The following ADAMTSL1 variants were observed in gnomAD, a reference collection of about 807,000 sequenced individuals.
ADAMTSL1 encodes ADAMTS-like protein 1.
Under a neutral mutation model 201.8 loss-of-function variants are expected in ADAMTSL1, and 126 were observed. That is an observed-to-expected ratio of 0.62 (90% confidence interval 0.54 to 0.72). ADAMTSL1 has a LOEUF of 0.72. ADAMTSL1 is among the 30% of genes least tolerant of loss of function. ADAMTSL1 has a pLI of 0.00. For missense variants in ADAMTSL1, 2,679 were observed against 2,277.8 expected (o/e 1.18, Z -3.59); for synonymous variants, 1,121 against 903.4 (o/e 1.24, Z -4.32).
At chr9:18,904,797 C>T (rs542925397) in intron 26 of ADAMTSL1, among the ~76,000 whole-genome samples, 60 of 127,188 alleles carry the variant, frequency 4.7e-4, no homozygotes, top group Non-Finnish European at 8.5e-4. Context: ...TAGTGTCAAA[C>T]TGGGCCCTTC....
At chr9:18,754,222 C>T (rs924134969) in intron 16 of ADAMTSL1, among the ~76,000 whole-genome samples, 1 of 152,170 alleles carries the variant, frequency 6.6e-6, no homozygotes, top group Non-Finnish European at 1.5e-5. Context: ...ATGTGCTATC[C>T]CTTTACAAAC....
intron 3 of ADAMTSL1, among the ~76,000 whole-genome samples, chr9:18,556,128 A>C (rs144594093): frequency 0.02 from 2,984 of 152,092 alleles, 38 homozygotes; most frequent in Non-Finnish European, 0.03. Context: ...CTTGCACAGA[A>C]TCAGCCTTAA....
chr9:18,042,364 T>C (rs1821462364), intron 1 of ADAMTSL1, among the ~76,000 whole-genome samples: 1 of 152,108 alleles, frequency 6.6e-6, no homozygotes, highest in African/African-American at 2.4e-5. Context: ...AAAAAAGAAA[T>C]TTACTGAGTG....
chr9:18,662,003 C>T lies in ADAMTSL1; in HGVS notation c.1015C>T (p.His339Tyr). 1 of 1,614,108 alleles carries T rather than the reference C, an allele frequency of 6.2e-7. No individual in the cohort carries two copies. Among genetic ancestry groups the T allele is most frequent in the Non-Finnish European group, 8.5e-7 (1 of 1,179,968 alleles). Residue 339 changes from histidine to tyrosine, a missense_variant, in exon 9 of 29, where the codon CAC becomes TAC. Physicochemically the swap from His to Tyr is moderately conservative, Grantham distance 83 (BLOSUM62 2). Coordinates refer to ENST00000380548, the MANE Select transcript of ADAMTSL1 (RefSeq NM_001040272.6). ...CCGTGTGGTTGCTGACCAATACTGT[C>T]ACTATTACCCAGAGAACATCAAACC... ...SNRVVADQYC[H>Y]YYPENIKPKP...
At chr9:18,518,176 G>T (rs1451682241) in intron 2 of ADAMTSL1, among the ~76,000 whole-genome samples, 1 of 152,130 alleles carries the variant, frequency 6.6e-6, no homozygotes, top group Non-Finnish European at 1.5e-5. Flanking sequence ...GATTCAGGGG[G>T]TACATGTGCA....
chr9:18,300,380 ACG>A (rs879918181), intron 2 of ADAMTSL1, among the ~76,000 whole-genome samples: 57 of 149,294 alleles, frequency 3.8e-4, no homozygotes, highest in South Asian at 1.1e-3. Context: ...CAAACACCGC[ACG>A]TCCTCACTCA....
At chr9:18,516,640 A>G (rs1276787572) in intron 2 of ADAMTSL1, among the ~76,000 whole-genome samples, 2 of 152,172 alleles carry the variant, frequency 1.3e-5, no homozygotes, top group Non-Finnish European at 2.9e-5. Flanking sequence ...ACTGTTCTCT[A>G]CTTGTATGAC....
intron 15 of ADAMTSL1, among the ~76,000 whole-genome samples, chr9:18,736,186 A>G (rs1818491619): frequency 6.6e-6 from 1 of 152,184 alleles, no homozygotes; most frequent in Admixed American, 6.5e-5. Flanking sequence ...GCTGCTTTGG[A>G]GCCAGATCTC....
intron 4 of ADAMTSL1, among the ~76,000 whole-genome samples, chr9:18,610,705 A>G (rs1433392564): frequency 6.6e-6 from 1 of 152,188 alleles, no homozygotes; most frequent in African/African-American, 2.4e-5. Context: ...GAAATCTGAG[A>G]TGCATAAACA....
At chr9:18,396,164 G>C (rs575336241) in intron 2 of ADAMTSL1, among the ~76,000 whole-genome samples, 7 of 152,198 alleles carry the variant, frequency 4.6e-5, no homozygotes, top group African/African-American at 1.4e-4. Context: ...TTAAACTGTT[G>C]GCCTGCCTCT....
chr9:18,057,654 C>G (rs532320340), intron 1 of ADAMTSL1, among the ~76,000 whole-genome samples: 5 of 152,296 alleles, frequency 3.3e-5, no homozygotes, highest in Admixed American at 6.5e-5. Context: ...ATCACCCAGA[C>G]CAGTCCAAAG....
chr9:17,929,738 T>C (rs903575920), intron 1 of ADAMTSL1, among the ~76,000 whole-genome samples: 1 of 152,232 alleles, frequency 6.6e-6, no homozygotes, highest in Non-Finnish European at 1.5e-5. Context: ...TAAGTATCAC[T>C]TCCCCAGAAA....
intron 2 of ADAMTSL1, among the ~76,000 whole-genome samples, chr9:18,305,876 C>T (rs893353716): frequency 6.6e-6 from 1 of 151,974 alleles, no homozygotes; most frequent in Non-Finnish European, 1.5e-5. Context: ...AGACTGCCTC[C>T]TCAAGTGGGT....
chr9:18,174,216 C>T (rs1244149022), intron 2 of ADAMTSL1, among the ~76,000 whole-genome samples: 4 of 152,150 alleles, frequency 2.6e-5, no homozygotes, highest in African/African-American at 9.7e-5. Flanking sequence ...ACTATCTTCC[C>T]AAGGAGTCCC....
At chr9:18,514,189 G>T (rs993615927) in intron 2 of ADAMTSL1, among the ~76,000 whole-genome samples, 1 of 152,126 alleles carries the variant, frequency 6.6e-6, no homozygotes, top group African/African-American at 2.4e-5. Context: ...GTGATTGTCA[G>T]TGTTCAAGTC....
At chr9:17,957,361 C>G (rs548731306) in intron 1 of ADAMTSL1, among the ~76,000 whole-genome samples, 1 of 152,226 alleles carries the variant, frequency 6.6e-6, no homozygotes, top group African/African-American at 2.4e-5. Context: ...TAGCAGCTTC[C>G]TATTACTGCT....
intron 16 of ADAMTSL1, among the ~76,000 whole-genome samples, chr9:18,753,945 A>G (rs992986505): frequency 6.6e-5 from 10 of 152,186 alleles, no homozygotes; most frequent in Non-Finnish European, 1.5e-5. Flanking sequence ...TTAGCAATAT[A>G]AGAAGTTAGA....
chr9:18,500,142 G>A (rs1822758012), intron 1 of ADAMTSL1, among the ~76,000 whole-genome samples: 1 of 152,210 alleles, frequency 6.6e-6, no homozygotes, highest in Non-Finnish European at 1.5e-5. Flanking sequence ...GGAAAATATT[G>A]CTTCATGTGA....
chr9:18,218,601 C>T (rs1830140494), intron 2 of ADAMTSL1, among the ~76,000 whole-genome samples: 1 of 152,030 alleles, frequency 6.6e-6, no homozygotes, highest in Admixed American at 6.6e-5. Flanking sequence ...ATCTTTTGCT[C>T]ATTTTTCTAT....
Sources: allele counts gnomAD v4.1 joint callset (sites outside exome capture counted in the v4.1 genomes callset), GRCh38; gene constraint gnomAD v4.1.1; transcripts MANE v1.5; gene names NCBI Gene and HGNC (gene_info 2026-07-23, HGNC 2026-07-21).